MYO1E: variants seen among roughly 807,000 people sequenced by gnomAD.
MYO1E encodes the protein myosin IE.
A neutral mutation model predicts 151.1 loss-of-function variants in MYO1E; 68 were observed. The ratio of observed to expected loss-of-function variants is 0.45; its 90% CI spans 0.37 to 0.55. The LOEUF is 0.55. Ranked by LOEUF, MYO1E falls within the 20% of genes least tolerant of loss-of-function variation. The probability of loss-of-function intolerance (pLI) is 0.00; values close to 1 mark genes in which losing one functional copy is unlikely to be tolerated. For synonymous variants in MYO1E, 601 were observed against 501.7 expected, an observed-to-expected ratio of 1.20 and a Z score of -2.64; for missense variants, 1,363 against 1,389.3, an observed-to-expected ratio of 0.98 and a Z score of 0.30.
At position 59,163,213 on chromosome 15, in the gene MYO1E, T is replaced by C. The variant is rs755938454; in HGVS notation, c.2571A>G (p.Leu857=). The C allele has an allele frequency of 5.6e-6, 9 of 1,614,064 alleles. No individual in the cohort carries two copies. Among genetic ancestry groups the C allele is most frequent in the Non-Finnish European group, 7.6e-6 (9 of 1,180,030 alleles). ...GGGTCTTCTCCTCGTAACGCTTTGC[T>C]AAGAGGCTTAGGAATTCAGTTTTGA... ...SVFKTEFLSL[L]AKRYEEKTQK... Residue 857 remains leucine, a synonymous_variant, in exon 23 of 28, where the codon TTA becomes TTG. Transcript: ENST00000288235.
chr15:59,293,387 A>C (rs967516400), intron 1 of MYO1E, among the ~76,000 whole-genome samples: 13 of 152,164 alleles, frequency 8.5e-5, no homozygotes, highest in Admixed American at 5.9e-4. Flanking sequence ...CTCTACTAAA[A>C]ATACAAAAAT....
At chr15:59,260,167 T>C (rs1049911974) in intron 3 of MYO1E, among the ~76,000 whole-genome samples, 8 of 152,186 alleles carry the variant, frequency 5.3e-5, no homozygotes, top group African/African-American at 1.9e-4. Flanking sequence ...TTCAGAAAAC[T>C]GGAGAGAAAC....
At chr15:59,236,527 T>C in intron 5 of MYO1E, 58 bp downstream of exon 5, 3 of 1,437,246 alleles carry the variant, frequency 2.1e-6, no homozygotes, top group African/African-American at 2.8e-5. Flanking sequence ...TAACAGCAAA[T>C]GGAGCCTCTT....
intron 18 of MYO1E, among the ~76,000 whole-genome samples, chr15:59,187,775 A>T (rs542257003): frequency 6.6e-6 from 1 of 152,232 alleles, no homozygotes; most frequent in Non-Finnish European, 1.5e-5. Flanking sequence ...TGGAAATGCA[A>T]CAACATGGAT....
chr15:59,245,340 T>C (rs1180395428), intron 4 of MYO1E, among the ~76,000 whole-genome samples: 2 of 152,210 alleles, frequency 1.3e-5, no homozygotes, highest in East Asian at 3.8e-4. Context: ...AAATTACATA[T>C]TTCAAATCTA....
At chr15:59,315,096 G>T (rs558558540) in intron 1 of MYO1E, among the ~76,000 whole-genome samples, 13 of 152,314 alleles carry the variant, frequency 8.5e-5, no homozygotes, top group Non-Finnish European at 1.2e-4. Flanking sequence ...TACAGCTTCT[G>T]ATGGGGAGAG....
chr15:59,264,742 A>G (rs77607970), intron 2 of MYO1E, among the ~76,000 whole-genome samples: 6,892 of 152,274 alleles, frequency 0.045, 514 homozygotes, highest in African/African-American at 0.16. Flanking sequence ...ATGAACGAGC[A>G]GGTTGTGGTG....
intron 1 of MYO1E, among the ~76,000 whole-genome samples, chr15:59,300,230 C>A (rs1414707786): frequency 6.6e-6 from 1 of 152,116 alleles, no homozygotes; most frequent in Non-Finnish European, 1.5e-5. Context: ...GAATGCCAGT[C>A]CCTAGGAAAA....
intron 1 of MYO1E, among the ~76,000 whole-genome samples, chr15:59,276,569 G>C (rs1377529764): frequency 6.6e-6 from 1 of 152,182 alleles, no homozygotes; most frequent in African/African-American, 2.4e-5. Flanking sequence ...TCCACATTCC[G>C]TTTCTAAGGA....
intron 1 of MYO1E, among the ~76,000 whole-genome samples, chr15:59,312,454 A>C (rs1344926253): frequency 2.0e-5 from 3 of 152,184 alleles, no homozygotes; most frequent in Non-Finnish European, 4.4e-5. Flanking sequence ...AAACAGAAGC[A>C]TAAAGGAGCA....
intron 4 of MYO1E, among the ~76,000 whole-genome samples, chr15:59,239,600 T>C (rs1368660860): frequency 2.0e-5 from 3 of 152,238 alleles, no homozygotes; most frequent in Non-Finnish European, 4.4e-5. Context: ...TTGTCTCTTT[T>C]GTTGGAAACA....
intron 26 of MYO1E, among the ~76,000 whole-genome samples, chr15:59,143,862 G>A (rs565699415): frequency 1.4e-4 from 22 of 152,292 alleles, no homozygotes; most frequent in East Asian, 3.9e-4. Flanking sequence ...ACTCCTGCTC[G>A]GCCTTCGGAT....
intron 16 of MYO1E, among the ~76,000 whole-genome samples, chr15:59,202,044 G>C (rs1186786258): frequency 2.0e-5 from 3 of 152,164 alleles, no homozygotes; most frequent in Non-Finnish European, 4.4e-5. Context: ...AATTCTTCCA[G>C]GTTCTGTTTA....
chr15:59,293,112 A>T (rs73426905), intron 1 of MYO1E, among the ~76,000 whole-genome samples: 6,820 of 152,204 alleles, frequency 0.045, 450 homozygotes, highest in African/African-American at 0.14. Flanking sequence ...ACAGTTTAGA[A>T]TTCAGCAAGG....
In MYO1E at chr15:59,184,156, G is replaced by A. The variant is rs561841689; in HGVS notation, c.1904+3962C>T. Among the ~76,000 whole-genome samples, 49 of 152,138 alleles carry A rather than the reference G, an allele frequency of 3.2e-4. No homozygotes were observed. The South Asian group carries it at 6.0e-3, about 19-fold the overall frequency. On this transcript the variant is annotated intron_variant, in intron 18 of 27. Transcript: ENST00000288235. Reference sequence around the variant, plus strand: ...CGAGTATCTGGAATTACGGGTGTGCGCCACCACACCTGGCTAATTTTTGTA... The same window carrying A: ...CGAGTATCTGGAATTACGGGTGTGCACCACCACACCTGGCTAATTTTTGTA...
At chr15:59,248,195 A>C (rs1309960165) in intron 4 of MYO1E, among the ~76,000 whole-genome samples, 1 of 150,338 alleles carries the variant, frequency 6.7e-6, no homozygotes, top group African/African-American at 2.4e-5. Flanking sequence ...TAAAATTAGC[A>C]TCTATAGGCC....
intron 5 of MYO1E, 54 bp downstream of exon 5, chr15:59,236,531 G>A: frequency 2.1e-6 from 3 of 1,444,622 alleles, no homozygotes; most frequent in Middle Eastern, 1.7e-4. Flanking sequence ...AGCAAATGGA[G>A]CCTCTTACAT....
chr15:59,207,097 G>A lies in MYO1E; in HGVS notation c.1530+1584C>T, dbSNP rs376676204. 21 of 1,614,130 alleles carry A rather than the reference G, an allele frequency of 1.3e-5. No homozygotes were observed. In the African/African-American group the frequency reaches 2.1e-4, roughly 16 times the overall value. On this transcript the variant is annotated intron_variant, in intron 14 of 27. Transcript: ENST00000288235. The stretch of plus-strand genomic sequence containing the variant: ...CACCCCCGTGAGCAAGATGGCGACT[G>A]TGAAGAGTGAGCTTATTGAGCGTTT...
At chr15:59,251,224 A>C (rs2080162986) in intron 4 of MYO1E, among the ~76,000 whole-genome samples, 1 of 152,246 alleles carries the variant, frequency 6.6e-6, no homozygotes, top group South Asian at 2.1e-4. Context: ...ATAAAATTTA[A>C]CTTGCACCTG....
Sources: gnomAD v4.1 joint callset for allele counts (sites outside exome capture counted in the v4.1 genomes callset) on GRCh38, gnomAD v4.1.1 for gene constraint, MANE v1.5 for transcripts, NCBI Gene and HGNC (gene_info 2026-07-23, HGNC 2026-07-21) for gene names.